ZZZ3: variants seen among roughly 807,000 people sequenced by gnomAD.
ZZZ3 encodes zinc finger ZZ-type containing 3.
ZZZ3 carries 22 observed loss-of-function variants against 95.2 expected under a neutral mutation model. That is an observed-to-expected ratio of 0.23 (90% CI 0.17 to 0.33). The LOEUF (loss-of-function observed/expected upper bound fraction) is 0.33. Ranked by LOEUF, ZZZ3 falls within the 10% of genes least tolerant of loss-of-function variation. ZZZ3 has a pLI of 1.00. For synonymous variants in ZZZ3, 335 were observed against 358.9 expected, an observed-to-expected ratio of 0.93 and a Z score of 0.75; for missense variants, 885 against 1,066.5, an observed-to-expected ratio of 0.83 and a Z score of 2.37.
rs1488532551 is a variant in ZZZ3, at chr1:77,584,555, T to G, written c.1606A>C (p.Lys536Gln). 1 of 1,613,008 alleles carries G rather than the reference T, an allele frequency of 6.2e-7. No homozygotes were observed. The highest frequency in any genetic ancestry group is 1.3e-5 in the African/African-American group (1 of 74,856). The change falls in exon 6 of 15, where the codon AAA (lysine) becomes CAA (glutamine). Residue 536 changes from lysine to glutamine, a missense_variant. By Grantham distance (53) the Lys-to-Gln change is moderately conservative. Coordinates refer to ENST00000370801, the MANE Select transcript of ZZZ3 (RefSeq NM_015534.6). ...TTTTCCACAAATCCAATGGGATTTT[T>G]CAGTGCTTCTCTCTGGTGCCTGCCT... ...SLGRHQREALKNPIGFVEKLQ... is the reference protein window; with the variant it reads ...SLGRHQREALQNPIGFVEKLQ...
At chr1:77,654,656 T>C (rs1670109705) in intron 1 of ZZZ3, among the ~76,000 whole-genome samples, 1 of 152,166 alleles carries the variant, frequency 6.6e-6, no homozygotes, top group South Asian at 2.1e-4. Flanking sequence ...TAAACATAAC[T>C]GGCCCTTTTG....
At chr1:77,627,003 A>C (rs1667397561) in intron 5 of ZZZ3, among the ~76,000 whole-genome samples, 1 of 152,154 alleles carries the variant, frequency 6.6e-6, no homozygotes, top group African/African-American at 2.4e-5. Context: ...TCAGATAATC[A>C]TGACTACAAT....
chr1:77,622,226 G>GA (rs1386059448), intron 5 of ZZZ3, among the ~76,000 whole-genome samples: 1 of 151,726 alleles, frequency 6.6e-6, no homozygotes, highest in Non-Finnish European at 1.5e-5. Context: ...AGGATTGCTT[G>GA]AGCCGGAGGG....
chr1:77,631,581 A>T (rs1361192209), intron 5 of ZZZ3, among the ~76,000 whole-genome samples: 1 of 152,140 alleles, frequency 6.6e-6, no homozygotes, highest in African/African-American at 2.4e-5. Context: ...AAAACATATT[A>T]AAAAAACAAA....
At chr1:77,577,496 A>G (rs911371182) in intron 11 of ZZZ3, among the ~76,000 whole-genome samples, 11 of 152,240 alleles carry the variant, frequency 7.2e-5, no homozygotes, top group African/African-American at 2.7e-4. Context: ...GCAAATTAAA[A>G]CAAGCTTCCA....
At chr1:77,683,378 G>A (rs1368126797), upstream of ZZZ3, 1 of 151,950 alleles carries the variant, frequency 6.6e-6, no homozygotes, top group African/African-American at 2.4e-5. Flanking sequence ...GCTCGATAGC[G>A]GCGCCGCGGC....
chr1:77,637,970 G>C (rs976442860), intron 4 of ZZZ3, among the ~76,000 whole-genome samples: 10 of 152,180 alleles, frequency 6.6e-5, no homozygotes, highest in African/African-American at 1.7e-4. Context: ...AATCAATCTA[G>C]TTTTAGAAAT....
intron 5 of ZZZ3, among the ~76,000 whole-genome samples, chr1:77,620,358 G>C (rs1666727006): frequency 6.6e-6 from 1 of 151,862 alleles, no homozygotes; most frequent in Non-Finnish European, 1.5e-5. Context: ...ATTTACTCCA[G>C]CTACAGTATA....
In ZZZ3 at chr1:77,632,721, C is replaced by G. The variant is rs771691296; in HGVS notation, c.634G>C (p.Val212Leu). The G allele has an allele frequency of 6.2e-7, 1 of 1,614,174 alleles. No homozygotes were observed. Among genetic ancestry groups the G allele is most frequent in the South Asian group, 1.1e-5 (1 of 91,086 alleles). Residue 212 changes from valine to leucine, a missense_variant, in exon 5 of 15, where the codon GTT (valine) becomes CTT (leucine). By Grantham distance (32) the Val-to-Leu change is conservative (BLOSUM62 1). Coordinates refer to ENST00000370801, the MANE Select transcript of ZZZ3 (RefSeq NM_015534.6). ...GGCTGACAGTCATCACAGTTTATAA[C>G]AGCTGAATCACTGTCATCAACACCA... is the stretch of plus-strand genomic sequence containing the variant. ...VNGVDDSDSA[V>L]INCDDCQPDG...
intron 1 of ZZZ3, among the ~76,000 whole-genome samples, chr1:77,671,690 G>A (rs1234474358): frequency 1.3e-5 from 2 of 152,066 alleles, no homozygotes; most frequent in African/African-American, 4.8e-5. Flanking sequence ...GCATGTATCT[G>A]GCCCACAGCA....
intron 1 of ZZZ3, among the ~76,000 whole-genome samples, chr1:77,673,366 G>C (rs1488590576): frequency 6.6e-6 from 1 of 152,274 alleles, no homozygotes; most frequent in East Asian, 1.9e-4. Context: ...GGAGGCTGAG[G>C]AGGGCAGATC....
chr1:77,621,909 T>C (rs1666905278), intron 5 of ZZZ3, among the ~76,000 whole-genome samples: 1 of 152,172 alleles, frequency 6.6e-6, no homozygotes, highest in South Asian at 2.1e-4. Context: ...TTTTTCAATC[T>C]CACATCTCAC....
intron 5 of ZZZ3, among the ~76,000 whole-genome samples, chr1:77,600,098 T>C (rs1401046249): frequency 6.6e-6 from 1 of 150,746 alleles, no homozygotes; most frequent in Non-Finnish European, 1.5e-5. Flanking sequence ...CACATTAGAG[T>C]GCACAATATG....
intron 13 of ZZZ3, among the ~76,000 whole-genome samples, chr1:77,568,098 T>C (rs1660997334): frequency 2.0e-5 from 3 of 152,048 alleles, no homozygotes; most frequent in African/African-American, 7.2e-5. Flanking sequence ...GCCAACATGG[T>C]GAAACCCCCA....
intron 3 of ZZZ3, among the ~76,000 whole-genome samples, chr1:77,640,319 G>A (rs972947875): frequency 1.3e-5 from 2 of 151,978 alleles, no homozygotes; most frequent in Non-Finnish European, 2.9e-5. Context: ...AGAATGTACA[G>A]GCCAGGTGCA....
intron 5 of ZZZ3, among the ~76,000 whole-genome samples, chr1:77,626,795 G>A (rs1055540588): frequency 3.3e-5 from 5 of 152,204 alleles, no homozygotes; most frequent in South Asian, 4.2e-4. Context: ...TATACCTACC[G>A]CATTCTAAAA....
intron 5 of ZZZ3, among the ~76,000 whole-genome samples, chr1:77,589,157 G>A (rs1022346138): frequency 7.2e-5 from 11 of 152,124 alleles, no homozygotes; most frequent in Non-Finnish European, 1.5e-4. Flanking sequence ...GATTATAGGC[G>A]TGAGCCCCCA....
At chr1:77,618,233 C>CTTTTT (rs10597366) in intron 5 of ZZZ3, among the ~76,000 whole-genome samples, 8 of 81,070 alleles carry the variant, frequency 9.9e-5, no homozygotes, top group South Asian at 5.4e-4. Flanking sequence ...CCAATGCAGC[C>CTTTTT]TTTTTTTTTT....
rs916849629 is a variant in ZZZ3, at chr1:77,566,119, T to C, written c.2529A>G (p.Pro843=). 4 of 1,613,396 alleles carry C rather than the reference T, an allele frequency of 2.5e-6. No homozygotes were observed. The African/African-American group carries it at 5.3e-5, about 22-fold the overall frequency. Residue 843 remains proline (P), a synonymous_variant, in exon 14 of 15, where the codon CCA becomes CCG. Coordinates refer to ENST00000370801, the MANE Select transcript of ZZZ3 (RefSeq NM_015534.6). ...AATCACAGAAATCCAAAGACATTTC[T>C]GGAGGACAATCCTGGCAATGCCACC... The part of the protein sequence containing the change: ...GVRWHCQDCP[P]EMSLDFCDSC...
Sources: allele counts gnomAD v4.1 joint callset (sites outside exome capture counted in the v4.1 genomes callset), GRCh38; gene constraint gnomAD v4.1.1; transcripts MANE v1.5; gene names NCBI Gene and HGNC (gene_info 2026-07-23, HGNC 2026-07-21).